FBN2: variants seen among roughly 807,000 people sequenced by gnomAD.
FBN2 encodes fibrillin-2.
A neutral mutation model predicts 355.6 loss-of-function variants in FBN2; 105 were observed. The ratio of observed to expected loss-of-function variants is 0.30; its 90% CI spans 0.25 to 0.35. The LOEUF is 0.35. Ranked by LOEUF, FBN2 falls within the 10% of genes least tolerant of loss-of-function variation. FBN2 has a pLI of 1.00. For missense variants in FBN2, 3,280 were observed against 3,758.7 expected (o/e 0.87, Z 3.33); for synonymous variants, 1,350 against 1,301.2 (o/e 1.04, Z -0.81).
At chr5:128,322,064 C>A (rs1018310180) in intron 34 of FBN2, among the ~76,000 whole-genome samples, 2 of 151,878 alleles carry the variant, frequency 1.3e-5, no homozygotes, top group East Asian at 3.9e-4. Context: ...CTTTTTTTCA[C>A]GTTTGTTGGC....
chr5:128,340,835 CTA>C (rs57207666), intron 25 of FBN2, among the ~76,000 whole-genome samples: 1 of 150,988 alleles, frequency 6.6e-6, no homozygotes, highest in Non-Finnish European at 1.5e-5. Context: ...CTCTCTCTCT[CTA>C]TATATATATG....
rs1218390996 is a variant in FBN2 at position 128,276,091 on chromosome 5, T to C, written c.7541A>G (p.Gln2514Arg). Reference protein sequence around the residue: ...YICKNTEGSYQCSCPRGYVLQ... With the variant: ...YICKNTEGSYRCSCPRGYVLQ... ...GACATACCCCCTCGGACATGAACAC[T>C]GATAACTCCCCTCAGTGTTCTTGCA... Residue 2514 changes from glutamine (Q) to arginine (R), a missense_variant, in exon 59 of 65, where the codon CAG becomes CGG. Coordinates refer to ENST00000262464, the MANE Select transcript of FBN2 (RefSeq NM_001999.4). The C allele has an allele frequency of 6.2e-7, 1 of 1,613,732 alleles. No homozygotes were observed. Among genetic ancestry groups the C allele is most frequent in the African/African-American group, 1.3e-5 (1 of 74,908 alleles).
Position 128,271,955 on chromosome 5 carries a change from T to C in FBN2, c.7960+44A>G, listed in dbSNP as rs1465593630. On this transcript the variant is annotated intron_variant, in intron 62 of 64. Transcript: ENST00000262464. Reference sequence around the variant, plus strand: ...TTTGTTCATCTTATTCAGAGACACTTTCAGGTGAGAAAAGCAAGTGCGATG... The same window carrying C: ...TTTGTTCATCTTATTCAGAGACACTCTCAGGTGAGAAAAGCAAGTGCGATG... 3.1e-6 allele frequency: 5 copies of C among 1,610,492 alleles called. No homozygotes were observed. In the African/African-American group the frequency reaches 6.7e-5, roughly 22 times the overall value.
chr5:128,451,055 T>C (rs1345041795), intron 6 of FBN2, among the ~76,000 whole-genome samples: 1 of 152,152 alleles, frequency 6.6e-6, no homozygotes, highest in Non-Finnish European at 1.5e-5. Context: ...TTTTTCTGCA[T>C]CTTGTTTTTC....
intron 6 of FBN2, among the ~76,000 whole-genome samples, chr5:128,460,468 C>A (rs1026426859): frequency 5.9e-5 from 9 of 152,126 alleles, no homozygotes; most frequent in African/African-American, 1.9e-4. Context: ...TCCCATTGAA[C>A]TGCCATTGAC....
At chr5:128,495,735 C>A (rs899839993) in intron 5 of FBN2, among the ~76,000 whole-genome samples, 1 of 151,944 alleles carries the variant, frequency 6.6e-6, no homozygotes, top group African/African-American at 2.4e-5. Context: ...ATAAAGTTGG[C>A]AAACCTTTAG....
At chr5:128,298,598 C>T (rs977974879) in intron 48 of FBN2, among the ~76,000 whole-genome samples, 12 of 152,216 alleles carry the variant, frequency 7.9e-5, no homozygotes, top group South Asian at 2.1e-4. Context: ...CATCTTCCAT[C>T]GCTGATACCC....
At chr5:128,277,828 A>G in intron 58 of FBN2, 52 bp downstream of exon 58, 1 of 1,600,546 alleles carries the variant, frequency 6.2e-7, no homozygotes, top group South Asian at 1.1e-5. Flanking sequence ...CTTGCAGGAA[A>G]CAGTAGCTGA....
At chr5:128,287,269 CAAAT>C in intron 54 of FBN2, 35 bp downstream of exon 54, 2 of 1,610,212 alleles carry the variant, frequency 1.2e-6, no homozygotes, top group Non-Finnish European at 1.7e-6. Flanking sequence ...TCCAGCATGA[CAAAT>C]AAAGTTCGAA....
chr5:128,470,993 G>T (rs779265473), intron 5 of FBN2, among the ~76,000 whole-genome samples: 1 of 151,926 alleles, frequency 6.6e-6, no homozygotes, highest in Admixed American at 6.5e-5. Flanking sequence ...GTACAGAAAA[G>T]AATTACCTGA....
intron 2 of FBN2, among the ~76,000 whole-genome samples, chr5:128,535,479 G>A (rs562910327): frequency 1.3e-5 from 2 of 152,250 alleles, no homozygotes; most frequent in Admixed American, 1.3e-4. Flanking sequence ...CTAAATGAAT[G>A]TGCTGTCTAT....
At chr5:128,452,356 T>C (rs1180483769) in intron 6 of FBN2, among the ~76,000 whole-genome samples, 1 of 152,184 alleles carries the variant, frequency 6.6e-6, no homozygotes, top group Non-Finnish European at 1.5e-5. Context: ...ATTATATATT[T>C]TGAAATTTAT....
rs895055726 is a variant in FBN2, at chr5:128,310,700, G to A, written c.5075-592C>T. ...AATTACGCTACATGTTTAATGTTCA[G>A]TTAGAAGCATTCACTCATTTCACAA... On this transcript the variant is annotated intron_variant, in intron 39 of 64. Transcript: ENST00000262464. Among the ~76,000 whole-genome samples the A allele has an allele frequency of 6.6e-5, 10 of 152,192 alleles. No individual in the cohort carries two copies. The South Asian group carries it at 1.0e-3, about 16-fold the overall frequency.
chr5:128,408,682 C>A lies in FBN2; in HGVS notation c.1070G>T (p.Arg357Leu). Reference sequence around the variant, plus strand: ...CAAAATGCGAGGCTTACCGATGCATCGAGAGCCATCTGTTGAGGTTACATA... The same window carrying A: ...CAAAATGCGAGGCTTACCGATGCATAGAGAGCCATCTGTTGAGGTTACATA... ...RGYVTSTDGS[R>L]CIDQRTGMCF... Residue 357 changes from arginine to leucine, a missense_variant, in exon 8 of 65, where the codon CGA becomes CTA. Physicochemically the swap from Arg to Leu is moderately radical, Grantham distance 102. Transcript: ENST00000262464. 1 of 1,613,930 alleles carries A rather than the reference C, an allele frequency of 6.2e-7. No homozygotes were observed. Among genetic ancestry groups the A allele is most frequent in the Non-Finnish European group, 8.5e-7 (1 of 1,179,870 alleles).
chr5:128,532,225 T>C (rs1172936731), intron 2 of FBN2, among the ~76,000 whole-genome samples: 1 of 152,214 alleles, frequency 6.6e-6, no homozygotes, highest in Non-Finnish European at 1.5e-5. Flanking sequence ...CCTTCCATAT[T>C]ATCTCCACAA....
rs756298670 is a variant in FBN2, at chr5:128,300,850, G to C, written c.6133C>G (p.Pro2045Ala). Residue 2045 changes from proline (P) to alanine (A), a missense_variant, in exon 48 of 65, where the codon CCA becomes GCA. Coordinates refer to ENST00000262464, the MANE Select transcript of FBN2 (RefSeq NM_001999.4). Reference protein sequence around the residue: ...LEGSFRCICPPGYEVKSENCI... With the variant: ...LEGSFRCICPAGYEVKSENCI... ...TTCTCGCTTTTTACTTCATACCCTG[G>C]GGGACAGATGCATCTGAAGGATCCC... is the stretch of plus-strand genomic sequence containing the variant. The C allele has an allele frequency of 5.6e-6, 9 of 1,613,816 alleles. No homozygotes were observed. The African/African-American group carries it at 8.0e-5, about 14-fold the overall frequency.
intron 4 of FBN2, 102 bp downstream of exon 4, chr5:128,527,770 T>C (rs894358880): frequency 4.5e-5 from 36 of 807,006 alleles, no homozygotes; most frequent in South Asian, 8.8e-5. Flanking sequence ...CTACATAAAA[T>C]TGTTTTTTCA....
At chr5:128,277,800 TCTA>T in intron 58 of FBN2, 77 bp downstream of exon 58, 1 of 1,434,682 alleles carries the variant, frequency 7.0e-7, no homozygotes, top group Non-Finnish European at 9.8e-7. Context: ...ATAAAGACAC[TCTA>T]CTGATAATGA....
rs374717631 is a variant in FBN2, at chr5:128,290,871, G to A, written c.6306C>T (p.Ser2102=). Residue 2102 remains serine, a synonymous_variant, in exon 50 of 65, where the codon AGC becomes AGT. Transcript: ENST00000262464. The stretch of plus-strand genomic sequence containing the variant: ...CATTTTCAAAATTTGTGAAGCAGAA[G>A]CTCTGGCGAGTATCTAATCAAAAAA... The part of the protein sequence containing the change: ...NGRRCFDTRQ[S]FCFTNFENGK... The A allele has an allele frequency of 1.7e-5, 28 of 1,613,950 alleles. No individual in the cohort carries two copies. The highest frequency in any genetic ancestry group is 1.9e-5 in the Non-Finnish European group (22 of 1,179,880).
Sources: allele counts gnomAD v4.1 joint callset (sites outside exome capture counted in the v4.1 genomes callset), GRCh38; gene constraint gnomAD v4.1.1; transcripts MANE v1.5; gene names NCBI Gene and HGNC (gene_info 2026-07-23, HGNC 2026-07-21).